The following PADI4 variants were observed in gnomAD, a reference collection of about 807,000 sequenced individuals.
PADI4 encodes the protein protein-arginine deiminase type-4.
In PADI4, 62 loss-of-function variants were observed where a neutral mutation model predicts 75.0. That is an observed-to-expected ratio of 0.83 (90% CI 0.67 to 1.02). The LOEUF (loss-of-function observed/expected upper bound fraction) is 1.02, where lower values mean the gene tolerates loss of function less well. Ranked by LOEUF, PADI4 falls within the 50% of genes least tolerant of loss-of-function variation. PADI4 has a pLI of 0.00. For missense variants in PADI4, 845 were observed against 850.5 expected (o/e 0.99, Z 0.08); for synonymous variants, 361 against 348.1 (o/e 1.04, Z -0.41).
intron 5 of PADI4, among the ~76,000 whole-genome samples, chr1:17,338,516 A>T (rs989743868): frequency 6.6e-6 from 1 of 152,136 alleles, no homozygotes; most frequent in Non-Finnish European, 1.5e-5. Context: ...AGGCCCTGAG[A>T]CCTCTGCCAT....
At position 17,363,539 on chromosome 1, in the gene PADI4, A is replaced by C; in HGVS notation, c.1776A>C (p.Leu592=). Residue 592 remains leucine (L), a synonymous_variant, in exon 16 of 16, where the codon CTA becomes CTC. Coordinates refer to ENST00000375448, the MANE Select transcript of PADI4 (RefSeq NM_012387.3). ...FFPNMVNMLV[L]GKHLGIPKPF... ...CCCTGCAGGTGAACATGCTGGTGCT[A>C]GGGAAGCACCTGGGCATCCCCAAGC... 1 of 1,611,766 alleles carries C rather than the reference A, an allele frequency of 6.2e-7. No homozygotes were observed. The highest frequency in any genetic ancestry group is 8.5e-7 in the Non-Finnish European group (1 of 1,178,116).
At position 17,341,921 on chromosome 1, in the gene PADI4, G is replaced by C. The variant is rs1002341794; in HGVS notation, c.653-22G>C. ...TTCAGAAGTGGGGACGCAGACCTGA[G>C]TCTCCCCTGCCTCTCTCCTAGGGGG... On this transcript the variant is annotated intron_variant, in intron 6 of 15. Transcript: ENST00000375448. The C allele has an allele frequency of 2.5e-6, 4 of 1,602,508 alleles. No individual in the cohort carries two copies. The African/African-American group carries it at 5.4e-5, about 21-fold the overall frequency.
intron 4 of PADI4, among the ~76,000 whole-genome samples, chr1:17,336,771 G>T (rs551944361): frequency 2.0e-5 from 3 of 152,366 alleles, no homozygotes; most frequent in South Asian, 4.1e-4. Flanking sequence ...ACCATTTTAT[G>T]CTGGTGTGCA....
rs1292819526 is a variant in PADI4, at chr1:17,357,896, A to T, written c.1559-942A>T. Among the ~76,000 whole-genome samples the T allele has an allele frequency of 2.0e-5, 3 of 148,448 alleles. No individual in the cohort carries two copies. In the East Asian group the frequency reaches 6.0e-4, roughly 30 times the overall value. ...CAGTGAGCCAAGAATGTGCCACTGC[A>T]CTCTAGCCTGGGTGACAGAGCAAGA... On this transcript the variant is annotated intron_variant, in intron 13 of 15. Transcript: ENST00000375448.
rs79596357 is a variant in PADI4 at position 17,338,179 on chromosome 1, G to A, written c.526+24G>A. ...AGGTAAAGAGCATTTGCTAGCTAACGGGAAGGGCTTTTTATAAAGCCCTTT... is the reference window on the plus strand; with the variant it reads ...AGGTAAAGAGCATTTGCTAGCTAACAGGAAGGGCTTTTTATAAAGCCCTTT... On this transcript the variant is annotated intron_variant, in intron 5 of 15. Coordinates refer to ENST00000375448, the MANE Select transcript of PADI4 (RefSeq NM_012387.3). The A allele has an allele frequency of 1.5e-3, 2,213 of 1,472,020 alleles. 33 individuals carry two copies. In the African/African-American group the frequency reaches 0.026, roughly 18 times the overall value. 91.2% of individuals were successfully genotyped at this position (1,472,020 alleles called of 1,614,324 possible).
At chr1:17,336,274 C>A in intron 4 of PADI4, 48 bp downstream of exon 4, 2 of 1,480,510 alleles carry the variant, frequency 1.4e-6, no homozygotes, top group Non-Finnish European at 1.9e-6. Flanking sequence ...GGATTCTCCC[C>A]GGGCGCCCCC....
chr1:17,350,892 C>G lies in PADI4; in HGVS notation c.1155+2844C>G, dbSNP rs571673351. The stretch of plus-strand genomic sequence containing the variant: ...TATATGGTTCCTTAGAAGGGGATGT[C>G]AAGAGCTACAGGTGCCAGGTGTGGT... On this transcript the variant is annotated intron_variant, in intron 10 of 15. Transcript: ENST00000375448. 4.7e-4 allele frequency among the ~76,000 whole-genome samples: 60 copies of G among 128,350 alleles called. 8 individuals carry two copies. The highest frequency in any genetic ancestry group is 1.3e-3 in the African/African-American group (53 of 39,886). 84.2% of individuals were successfully genotyped at this position (128,350 alleles called of 152,430 possible).
At chr1:17,321,263 G>C (rs756290244) in intron 1 of PADI4, among the ~76,000 whole-genome samples, 4 of 152,172 alleles carry the variant, frequency 2.6e-5, no homozygotes, top group South Asian at 2.1e-4. Flanking sequence ...ATGGGAAAGT[G>C]GGGGGCAGGT....
In PADI4 at chr1:17,359,383, A is replaced by C. The variant is rs2100257925; in HGVS notation, c.1733A>C (p.Lys578Thr). Residue 578 changes from lysine (K) to threonine (T), a missense_variant, in exon 15 of 16, where the codon AAG becomes ACG. Coordinates refer to ENST00000375448, the MANE Select transcript of PADI4 (RefSeq NM_012387.3). ...PQLFKLKEFS[K>T]AEAFFPNMVN... is the part of the protein sequence containing the mutation. The stretch of plus-strand genomic sequence containing the variant: ...CTCTTCAAGCTCAAAGAGTTCTCTA[A>C]GGCGGAAGCTTTTTTCCCCAACATG... 2 of 1,614,130 alleles carry C rather than the reference A, an allele frequency of 1.2e-6. No homozygotes were observed. Among genetic ancestry groups the C allele is most frequent in the East Asian group, 4.5e-5 (2 of 44,880 alleles).
intron 1 of PADI4, among the ~76,000 whole-genome samples, chr1:17,310,166 A>G (rs1402853878): frequency 1.3e-5 from 2 of 152,110 alleles, no homozygotes; most frequent in African/African-American, 4.8e-5. Context: ...CACACTTCCT[A>G]CATTCAACTC....
At chr1:17,351,023 CAAAAAAA>C (rs35025070) in intron 10 of PADI4, among the ~76,000 whole-genome samples, 1 of 84,058 alleles carries the variant, frequency 1.2e-5, no homozygotes, top group African/African-American at 3.6e-5. Context: ...CTTGTCCCTA[CAAAAAAA>C]AAAAAAAAAT....
At chr1:17,323,181 CCA>C in intron 1 of PADI4, among the ~76,000 whole-genome samples, 1 of 152,196 alleles carries the variant, frequency 6.6e-6, no homozygotes, top group Non-Finnish European at 1.5e-5. Context: ...CAGTTTCCTG[CCA>C]CATTGGCCTC....
chr1:17,348,702 T>A (rs3795213), intron 10 of PADI4: 10,606 of 152,258 alleles, frequency 0.07, 526 homozygotes, highest in African/African-American at 0.14. Flanking sequence ...TTATGGAGAT[T>A]CTATCAATAG....
chr1:17,319,430 G>T (rs562750418), intron 1 of PADI4, among the ~76,000 whole-genome samples: 1 of 152,090 alleles, frequency 6.6e-6, no homozygotes, highest in Non-Finnish European at 1.5e-5. Context: ...TTAGCCAGGG[G>T]TGATGGCATG....
At position 17,348,492 on chromosome 1, in the gene PADI4, G is replaced by C. The variant is rs115979039; in HGVS notation, c.1155+444G>C. Among the ~76,000 whole-genome samples, 558 of 152,230 alleles carry C rather than the reference G, an allele frequency of 3.7e-3. 4 individuals carry two copies. Among genetic ancestry groups the C allele is most frequent in the African/African-American group, 0.013 (533 of 41,510 alleles). On this transcript the variant is annotated intron_variant, in intron 10 of 15. Coordinates refer to ENST00000375448, the MANE Select transcript of PADI4 (RefSeq NM_012387.3). The stretch of plus-strand genomic sequence containing the variant: ...TCAGTGGATCAGTGGTCATTTCCTG[G>C]GTGTGACTTTATCAGCCACAGGCTG...
At chr1:17,361,747 C>A (rs2074851407) in intron 15 of PADI4, among the ~76,000 whole-genome samples, 1 of 152,194 alleles carries the variant, frequency 6.6e-6, no homozygotes, top group African/African-American at 2.4e-5. Context: ...GGCCTACAGC[C>A]AAAATCCCAC....
In PADI4 at chr1:17,346,231, C is replaced by T. The variant is rs2074513930; in HGVS notation, c.1047+92C>T. The T allele has an allele frequency of 8.1e-6, 6 of 740,966 alleles. No homozygotes were observed. The highest frequency in any genetic ancestry group is 1.8e-5 in the African/African-American group (1 of 56,828). The allele number at this position is 740,966 out of a possible 1,614,324, so 45.9% of individuals were successfully genotyped here. ...GCTCCTGGGGTTCAGCCTGGTGCCTCACCGGCCACTCTTCCTTAGATGGAC... is the reference window on the plus strand; with the variant it reads ...GCTCCTGGGGTTCAGCCTGGTGCCTTACCGGCCACTCTTCCTTAGATGGAC... On this transcript the variant is annotated intron_variant, in intron 9 of 15. Transcript: ENST00000375448. The surrounding 1 kb of genome is among the most constrained non-coding windows in gnomAD (Gnocchi z 4.3).
intron 10 of PADI4, chr1:17,348,300 A>T (rs564368007): frequency 2.8e-6 from 1 of 363,154 alleles, no homozygotes; most frequent in East Asian, 5.2e-5. Context: ...AACCCTGCCG[A>T]GGAGGTGGCT....
intron 6 of PADI4, among the ~76,000 whole-genome samples, chr1:17,340,687 G>T (rs1175591511): frequency 6.6e-6 from 1 of 151,752 alleles, no homozygotes; most frequent in Non-Finnish European, 1.5e-5. Flanking sequence ...ATTGACTTTG[G>T]CTTCTGGATG....
Sources: allele counts gnomAD v4.1 joint callset (sites outside exome capture counted in the v4.1 genomes callset), GRCh38; gene constraint gnomAD v4.1.1; non-coding constraint Gnocchi (gnomAD v3.1); transcripts MANE v1.5; gene names NCBI Gene and HGNC (gene_info 2026-07-23, HGNC 2026-07-21).